The following KLC4 variants were observed in gnomAD, a reference collection of about 807,000 sequenced individuals.
KLC4 encodes kinesin light chain 4, also known as kinesin-like protein 8.
A neutral mutation model predicts 77.2 loss-of-function variants in KLC4; 49 were observed. The ratio of observed to expected loss-of-function variants is 0.63; its 90% CI spans 0.50 to 0.80. The LOEUF is 0.80. KLC4 is among the 30% of genes least tolerant of loss of function. The pLI is 0.00. For synonymous variants in KLC4, 274 were observed against 314.5 expected (o/e 0.87, Z 1.36); for missense variants, 669 against 793.5 (o/e 0.84, Z 1.89).
intron 6 of KLC4, among the ~76,000 whole-genome samples, chr6:43,067,664 G>A (rs1376508945): frequency 4.0e-5 from 6 of 151,072 alleles, no homozygotes; most frequent in African/African-American, 9.7e-5. Context: ...GCGTGGTGGC[G>A]GGCGCCTGTA....
chr6:43,072,243 G>GTCCC lies in KLC4; in HGVS notation c.1477_1480dup (p.Arg494LeufsTer7). On this transcript the variant is annotated frameshift_variant, in exon 12 of 16. Coordinates refer to ENST00000347162, the MANE Select transcript of KLC4 (RefSeq NM_201521.3). LOFTEE classifies it high-confidence loss of function. The stretch of plus-strand genomic sequence containing the variant: ...AGACCCTGGAGGAATGTGCCCTGCG[G>GTCCC]TCCCGGAGACAGGTCAGAAGCCCAG... 2 of 1,613,804 alleles carry GTCCC rather than the reference G, an allele frequency of 1.2e-6. No homozygotes were observed. Among genetic ancestry groups the GTCCC allele is most frequent in the Non-Finnish European group, 1.7e-6 (2 of 1,179,730 alleles).
chr6:43,070,659 T>C (rs367544257), intron 7 of KLC4, 33 bp from the exon 8 acceptor site: 44 of 1,594,044 alleles, frequency 2.8e-5, no homozygotes, highest in Non-Finnish European at 3.6e-5. Context: ...CATGTTATCA[T>C]AGCCATTTAT....
Position 43,061,494 on chromosome 6 carries a change from T to C in KLC4, c.159T>C (p.Cys53=). ...VLQSLSQTIE[C]LQQGGHEEGL... ...AAAGCCTGTCCCAGACCATTGAGTG[T>C]CTGCAGCAGGGAGGCCATGAGGAAG... is the stretch of plus-strand genomic sequence containing the variant. The change falls in exon 2 of 16, where the codon TGT becomes TGC. Residue 53 remains cysteine (C), a synonymous_variant. Coordinates refer to ENST00000347162, the MANE Select transcript of KLC4 (RefSeq NM_201521.3). The C allele has an allele frequency of 6.2e-7, 1 of 1,614,122 alleles. No homozygotes were observed. Among genetic ancestry groups the C allele is most frequent in the Non-Finnish European group, 8.5e-7 (1 of 1,179,988 alleles).
At chr6:43,061,276 C>T (rs1465715150) in intron 1 of KLC4, 35 bp from the exon 2 acceptor site, 2 of 1,586,586 alleles carry the variant, frequency 1.3e-6, no homozygotes, top group Non-Finnish European at 1.7e-6. Context: ...TCTGTCTCAT[C>T]TTTACACCAG....
At chr6:43,065,342 G>A (rs1280056197) in intron 3 of KLC4, 4 of 324,228 alleles carry the variant, frequency 1.2e-5, no homozygotes, top group Non-Finnish European at 5.9e-6. Context: ...CCAAAGTGCT[G>A]GGATTACAGG....
intron 9 of KLC4, 62 bp downstream of exon 9, chr6:43,071,436 G>A (rs1006260484): frequency 9.0e-6 from 14 of 1,549,762 alleles, no homozygotes; most frequent in African/African-American, 5.4e-5. Flanking sequence ...ACCAAAGGTC[G>A]GGGGTTAGGC....
intron 1 of KLC4, 188 bp from the exon 2 acceptor site, chr6:43,061,123 G>A: frequency 1.6e-6 from 1 of 615,230 alleles, no homozygotes; most frequent in East Asian, 2.8e-5. Flanking sequence ...CTCTCGCTTT[G>A]CCCACAACCT....
Position 43,061,359 on chromosome 6 carries a change from G to C in KLC4, c.24G>C (p.Gln8His). 1 of 1,613,730 alleles carries C rather than the reference G, an allele frequency of 6.2e-7. No homozygotes were observed. Among genetic ancestry groups the C allele is most frequent in the South Asian group, 1.1e-5 (1 of 91,086 alleles). ...GGATGTCAGGCCTGGTGTTGGGGCA[G>C]CGGGATGAGCCTGCAGGCCACCGGC... is the stretch of plus-strand genomic sequence containing the variant. MSGLVLGQRDEPAGHRLS... is the reference protein window; with the variant it reads MSGLVLGHRDEPAGHRLS... The change falls in exon 2 of 16, where the codon CAG becomes CAC. Residue 8 changes from glutamine to histidine, a missense_variant. Coordinates refer to ENST00000347162, the MANE Select transcript of KLC4 (RefSeq NM_201521.3).
chr6:43,073,968 G>A lies in KLC4; in HGVS notation c.1809+3G>A. ...AACCTAGTGCAGCACCCCTCCAGGT[G>A]AGAGCAGTGCTTGTGAGCATATTGG... On this transcript the variant is annotated splice_donor_region_variant and intron_variant, in intron 15 of 15. Transcript: ENST00000347162. 1 of 1,606,626 alleles carries A rather than the reference G, an allele frequency of 6.2e-7. No homozygotes were observed. Among genetic ancestry groups the A allele is most frequent in the Non-Finnish European group, 8.5e-7 (1 of 1,175,954 alleles).
intron 6 of KLC4, among the ~76,000 whole-genome samples, chr6:43,068,754 C>T (rs1159444520): frequency 1.3e-5 from 2 of 150,740 alleles, no homozygotes; most frequent in East Asian, 2.0e-4. Flanking sequence ...GTGGTTGCAG[C>T]GAGCCGAGAT....
chr6:43,061,166 C>G, intron 1 of KLC4, 145 bp from the exon 2 acceptor site: 1 of 807,018 alleles, frequency 1.2e-6, no homozygotes, highest in South Asian at 1.7e-5. Context: ...AGCTCCCTGC[C>G]TGCTGGTCAC....
At position 43,060,650 on chromosome 6, in the gene KLC4, T is replaced by A. The variant is rs1032714564; in HGVS notation, c.-25-661T>A. ...GAGAAACAAGACCCCTCTGAGGAAGTGGGAACACAGTCTGAGTCCTGGGGG... is the reference window on the plus strand; with the variant it reads ...GAGAAACAAGACCCCTCTGAGGAAGAGGGAACACAGTCTGAGTCCTGGGGG... On this transcript the variant is annotated intron_variant, in intron 1 of 15. Coordinates refer to ENST00000347162, the MANE Select transcript of KLC4 (RefSeq NM_201521.3). The A allele has an allele frequency of 4.5e-6, 5 of 1,101,432 alleles. No homozygotes were observed. The South Asian group carries it at 1.1e-4, about 24-fold the overall frequency. The allele number at this position is 1,101,432 out of a possible 1,614,324, so 68.2% of individuals were successfully genotyped here.
At chr6:43,070,933 G>GGGGGGGGGGGC in intron 8 of KLC4, 68 bp downstream of exon 8, 1 of 360,514 alleles carries the variant, frequency 2.8e-6, no homozygotes, top group South Asian at 2.3e-5. Context: ...GGGAGGGGGG[G>GGGGGGGGGGGC]CAGGCGGAGA....
chr6:43,066,221 G>A (rs988476244), intron 4 of KLC4, 85 bp from the exon 5 acceptor site: 4 of 1,165,068 alleles, frequency 3.4e-6, no homozygotes, highest in Non-Finnish European at 5.1e-6. Context: ...GCACAAGTAT[G>A]GAACAAGACA....
chr6:43,071,491 T>A, intron 9 of KLC4, 76 bp from the exon 10 acceptor site: 1 of 1,564,802 alleles, frequency 6.4e-7, no homozygotes, highest in South Asian at 1.1e-5. Context: ...GTCCAGCCTG[T>A]CAGCCTCTGG....
intron 6 of KLC4, among the ~76,000 whole-genome samples, chr6:43,068,345 AC>A (rs1426465658): frequency 6.7e-6 from 1 of 150,064 alleles, no homozygotes; most frequent in African/African-American, 2.5e-5. Context: ...GGTGGGGGGC[AC>A]TTGTAATCCC....
chr6:43,062,543 C>T (rs545429954), intron 2 of KLC4: 2 of 250,376 alleles, frequency 8.0e-6, no homozygotes, highest in South Asian at 9.4e-5. Flanking sequence ...TGTGCCTGGC[C>T]CTGATTTTAC....
intron 6 of KLC4, 106 bp downstream of exon 6, chr6:43,067,189 G>A: frequency 6.7e-7 from 1 of 1,499,716 alleles, no homozygotes; most frequent in Non-Finnish European, 9.0e-7. Flanking sequence ...CTCACTAAGG[G>A]TGCTGAGGAA....
At chr6:43,073,480 C>T in intron 14 of KLC4, 142 bp downstream of exon 14, 4 of 571,070 alleles carry the variant, frequency 7.0e-6, no homozygotes, top group Admixed American at 3.0e-5. Flanking sequence ...GTGAAACTCT[C>T]TCCTAAAAAT....
Sources: gnomAD v4.1 joint callset for allele counts (sites outside exome capture counted in the v4.1 genomes callset) on GRCh38, gnomAD v4.1.1 for gene constraint, MANE v1.5 for transcripts, NCBI Gene and HGNC (gene_info 2026-07-23, HGNC 2026-07-21) for gene names.